Variants in WWTR1 observed in about 807,000 individuals in gnomAD.
WWTR1 encodes WW domain-containing transcription regulator protein 1.
Under a neutral mutation model 40.1 loss-of-function variants are expected in WWTR1, and 13 were observed. That is an observed-to-expected ratio of 0.32 (90% CI 0.21 to 0.52). The LOEUF (loss-of-function observed/expected upper bound fraction) is 0.52, where lower values mean the gene tolerates loss of function less well. WWTR1 is among the 20% of genes least tolerant of loss of function. The pLI, the probability that WWTR1 is intolerant of heterozygous loss-of-function variation, is 0.97. For synonymous variants in WWTR1, 230 were observed against 210.1 expected, an observed-to-expected ratio of 1.09 and a Z score of -0.82; for missense variants, 436 against 523.1, an observed-to-expected ratio of 0.83 and a Z score of 1.63.
chr3:149,707,616 G>T (rs1380482520), upstream of WWTR1, among the ~76,000 whole-genome samples: 2 of 152,084 alleles, frequency 1.3e-5, no homozygotes, highest in African/African-American at 2.4e-5. Flanking sequence ...CACTCTGAGG[G>T]CCTCTGATAT....
intron 2 of WWTR1, among the ~76,000 whole-genome samples, chr3:149,665,665 T>C (rs561691458): frequency 6.6e-6 from 1 of 152,358 alleles, no homozygotes; most frequent in African/African-American, 2.4e-5. Flanking sequence ...AGAATTTTTA[T>C]AATTTTAATG....
intron 1 of WWTR1, among the ~76,000 whole-genome samples, chr3:149,688,408 C>T (rs1464678100): frequency 6.6e-6 from 1 of 152,164 alleles, no homozygotes; most frequent in Non-Finnish European, 1.5e-5. Context: ...GTCACCCCTC[C>T]CCCAACTCCA....
chr3:149,542,864 A>G (rs190033716), intron 3 of WWTR1, among the ~76,000 whole-genome samples: 72 of 151,764 alleles, frequency 4.7e-4, no homozygotes, highest in African/African-American at 1.6e-3. Flanking sequence ...ACAAGTTATG[A>G]GATAATTTCA....
chr3:149,710,576 C>CCA, intron 5 of WWTR1, among the ~76,000 whole-genome samples: 1 of 80,764 alleles, frequency 1.2e-5, no homozygotes, highest in Non-Finnish European at 2.4e-5. Context: ...CGCCTCCCCC[C>CCA]CCCCCCTTTT....
At chr3:149,694,764 CAAAAAACT>C (rs1714928300) in intron 1 of WWTR1, among the ~76,000 whole-genome samples, 2 of 152,250 alleles carry the variant, frequency 1.3e-5, no homozygotes, top group South Asian at 4.1e-4. Flanking sequence ...GGTGGTGTCT[CAAAAAACT>C]AAAAAACTAC....
At chr3:149,532,513 T>A (rs1735633237) in intron 4 of WWTR1, among the ~76,000 whole-genome samples, 2 of 152,230 alleles carry the variant, frequency 1.3e-5, no homozygotes, top group South Asian at 2.1e-4. Flanking sequence ...AGTAGTGAGA[T>A]GTTTTACTTC....
chr3:149,715,088 C>T (rs1304695293), intron 5 of WWTR1, among the ~76,000 whole-genome samples: 1 of 152,182 alleles, frequency 6.6e-6, no homozygotes, highest in East Asian at 1.9e-4. Flanking sequence ...AATAAAGCTC[C>T]TCTTCGCCTT....
chr3:149,545,939 C>T (rs1403693546), intron 3 of WWTR1, among the ~76,000 whole-genome samples: 1 of 152,192 alleles, frequency 6.6e-6, no homozygotes, highest in African/African-American at 2.4e-5. Flanking sequence ...CTGCCCTTGT[C>T]GGTGTACAAA....
chr3:149,685,029 C>T (rs75129849), intron 1 of WWTR1, among the ~76,000 whole-genome samples: 1 of 152,086 alleles, frequency 6.6e-6, no homozygotes, highest in Admixed American at 6.6e-5. Context: ...TCTGTTTCAT[C>T]ATTTGTAGCC....
Position 149,639,191 on chromosome 3 carries a change from G to A in WWTR1, c.431+17685C>T, listed in dbSNP as rs576715026. ...TTCTTTGTTATTCAGAGTAGACTAAGACTAAAATTATCTTGGAAAAAAATA... is the reference window on the plus strand; with the variant it reads ...TTCTTTGTTATTCAGAGTAGACTAAAACTAAAATTATCTTGGAAAAAAATA... On this transcript the variant is annotated intron_variant, in intron 2 of 6. Coordinates refer to ENST00000360632, the MANE Select transcript of WWTR1 (RefSeq NM_015472.6). 3.9e-5 allele frequency among the ~76,000 whole-genome samples: 6 copies of A among 152,222 alleles called. No homozygotes were observed. The South Asian group carries it at 1.2e-3, about 32-fold the overall frequency.
intron 3 of WWTR1, among the ~76,000 whole-genome samples, chr3:149,568,523 CAAAAAAAAAAAAAAAAA>C (rs34414853): frequency 6.8e-4 from 44 of 64,812 alleles, no homozygotes; most frequent in South Asian, 1.4e-3. Flanking sequence ...AATTAAAGTG[CAAAAAAAAAAAAAAAAA>C]AAAAAAAAAA....
intron 2 of WWTR1, among the ~76,000 whole-genome samples, chr3:149,595,818 A>C (rs545269972): frequency 6.6e-6 from 1 of 152,274 alleles, no homozygotes; most frequent in South Asian, 2.1e-4. Context: ...GAACACCTGA[A>C]GTCAGGAGCT....
At chr3:149,620,548 A>AC (rs1210181851) in intron 2 of WWTR1, among the ~76,000 whole-genome samples, 1 of 52,196 alleles carries the variant, frequency 1.9e-5, no homozygotes, top group African/African-American at 9.1e-5. Flanking sequence ...GTTCTTCTGC[A>AC]CCCCTCCTCC....
chr3:149,586,529 G>A lies in WWTR1; in HGVS notation c.432-13529C>T, dbSNP rs572635615. On this transcript the variant is annotated intron_variant, in intron 2 of 6. Transcript: ENST00000360632. ...CCGATCTAGAGTTCCTATAACCCTT[G>A]TAGATAGGGGTGCTAGGAGAATCTT... is the stretch of plus-strand genomic sequence containing the variant. Among the ~76,000 whole-genome samples, 23 of 152,300 alleles carry A rather than the reference G, an allele frequency of 1.5e-4. No homozygotes were observed. The South Asian group carries it at 2.9e-3, about 19-fold the overall frequency.
upstream of WWTR1, among the ~76,000 whole-genome samples, chr3:149,707,929 G>A (rs748872191): frequency 1.3e-5 from 2 of 150,986 alleles, no homozygotes; most frequent in Non-Finnish European, 3.0e-5. Flanking sequence ...CAACAGTATG[G>A]TATGGCCATA....
At chr3:149,638,301 C>T (rs371075128) in intron 2 of WWTR1, among the ~76,000 whole-genome samples, 1 of 152,174 alleles carries the variant, frequency 6.6e-6, no homozygotes, top group East Asian at 1.9e-4. Flanking sequence ...GCACTTTAAT[C>T]GTTTACGGAG....
chr3:149,569,601 C>T (rs1464634956), intron 3 of WWTR1, among the ~76,000 whole-genome samples: 14 of 152,134 alleles, frequency 9.2e-5, no homozygotes. Context: ...TTAACTATGC[C>T]ACTGATTATA....
At chr3:149,692,565 GAA>G (rs1714858829) in intron 1 of WWTR1, among the ~76,000 whole-genome samples, 1 of 152,140 alleles carries the variant, frequency 6.6e-6, no homozygotes, top group Non-Finnish European at 1.5e-5. Context: ...GGAAAAAACT[GAA>G]AGCCTTTCCT....
chr3:149,667,849 G>C (rs551961867), intron 2 of WWTR1, among the ~76,000 whole-genome samples: 12 of 152,262 alleles, frequency 7.9e-5, no homozygotes, highest in African/African-American at 2.9e-4. Context: ...CCTCCTACCT[G>C]CCATCTGTTT....
Sources: allele counts gnomAD v4.1 joint callset (sites outside exome capture counted in the v4.1 genomes callset), GRCh38; gene constraint gnomAD v4.1.1; transcripts MANE v1.5; gene names NCBI Gene and HGNC (gene_info 2026-07-23, HGNC 2026-07-21).